TRIM2: variants seen among roughly 807,000 people sequenced by gnomAD.
TRIM2 encodes the protein tripartite motif containing 2, also known as tripartite motif-containing protein 2.
TRIM2 carries 20 observed loss-of-function variants against 75.2 expected under a neutral mutation model. That is an observed-to-expected ratio of 0.27 (90% CI 0.19 to 0.39). The LOEUF is 0.39. Ranked by LOEUF, TRIM2 falls within the 10% of genes least tolerant of loss-of-function variation. TRIM2 has a pLI of 1.00. For synonymous variants in TRIM2, 373 were observed against 388.3 expected (o/e 0.96, Z 0.46); for missense variants, 660 against 990.8 (o/e 0.67, Z 4.48).
chr4:153,239,038 G>T (rs1387703711), intron 1 of TRIM2, among the ~76,000 whole-genome samples: 1 of 152,156 alleles, frequency 6.6e-6, no homozygotes, highest in East Asian at 1.9e-4. Context: ...CAGGATTAGT[G>T]CTCAGTCTCC....
chr4:153,183,042 G>T (rs1183423656), intron 1 of TRIM2, among the ~76,000 whole-genome samples: 1 of 152,214 alleles, frequency 6.6e-6, no homozygotes. Context: ...ATGAATGAAA[G>T]AATGAATAAA....
intron 1 of TRIM2, among the ~76,000 whole-genome samples, chr4:153,190,886 C>T (rs1271615854): frequency 2.0e-5 from 3 of 151,946 alleles, no homozygotes; most frequent in Admixed American, 6.6e-5. Context: ...TACAAGTGGC[C>T]GCCATCATGC....
intron 1 of TRIM2, among the ~76,000 whole-genome samples, chr4:153,262,489 A>G (rs1300769086): frequency 6.6e-6 from 1 of 152,118 alleles, no homozygotes; most frequent in Non-Finnish European, 1.5e-5. Flanking sequence ...TATCTTGAAC[A>G]CCAATCTTAG....
At chr4:153,262,226 G>A (rs1258540576) in intron 1 of TRIM2, among the ~76,000 whole-genome samples, 1 of 152,218 alleles carries the variant, frequency 6.6e-6, no homozygotes, top group Non-Finnish European at 1.5e-5. Flanking sequence ...AACCAGCTAA[G>A]TGGAAGACTG....
rs187650276 is a variant in TRIM2 at position 153,194,300 on chromosome 4, A to G, written c.-49+41030A>G. 8.5e-5 allele frequency among the ~76,000 whole-genome samples: 13 copies of G among 152,330 alleles called. No homozygotes were observed. The East Asian group carries it at 1.5e-3, about 18-fold the overall frequency. ...CTTTAAGAAGTGAGTGGATAAACCAATTGTGGTATGTGCATATAAAGAAAC... is the reference window on the plus strand; with the variant it reads ...CTTTAAGAAGTGAGTGGATAAACCAGTTGTGGTATGTGCATATAAAGAAAC... On this transcript the variant is annotated intron_variant, in intron 1 of 11. Transcript: ENST00000437508.
At chr4:153,239,551 T>C (rs1560863810) in intron 1 of TRIM2, among the ~76,000 whole-genome samples, 1 of 152,166 alleles carries the variant, frequency 6.6e-6, no homozygotes, top group Non-Finnish European at 1.5e-5. Flanking sequence ...ACATCCCCTT[T>C]AGTGTAAAAG....
intron 1 of TRIM2, among the ~76,000 whole-genome samples, chr4:153,178,494 A>C (rs144851437): frequency 6.4e-4 from 97 of 152,362 alleles, no homozygotes; most frequent in African/African-American, 2.3e-3. Flanking sequence ...TCCTGTGCTT[A>C]TAGTGAAACA....
chr4:153,218,208 G>A (rs886483217), intron 1 of TRIM2, among the ~76,000 whole-genome samples: 2 of 152,100 alleles, frequency 1.3e-5, no homozygotes, highest in Non-Finnish European at 2.9e-5. Flanking sequence ...TGTAGGCAGT[G>A]GATCTGTAAA....
chr4:153,209,487 T>C (rs1736366797), intron 1 of TRIM2, among the ~76,000 whole-genome samples: 1 of 152,152 alleles, frequency 6.6e-6, no homozygotes, highest in South Asian at 2.1e-4. Context: ...TGCTCAGCTT[T>C]TTAAGGGAGC....
At chr4:153,275,223 A>G (rs1757754658) in intron 2 of TRIM2, among the ~76,000 whole-genome samples, 1 of 152,216 alleles carries the variant, frequency 6.6e-6, no homozygotes, top group African/African-American at 2.4e-5. Context: ...TTTGAATTCA[A>G]TGAGCAGCAT....
chr4:153,254,042 A>G (rs1751481973), intron 1 of TRIM2, among the ~76,000 whole-genome samples: 1 of 152,112 alleles, frequency 6.6e-6, no homozygotes, highest in South Asian at 2.1e-4. Context: ...CTGGATCGGG[A>G]CCGCTTTCCA....
At chr4:153,243,863 G>A (rs1305102534) in intron 1 of TRIM2, among the ~76,000 whole-genome samples, 2 of 135,180 alleles carry the variant, frequency 1.5e-5, no homozygotes, top group East Asian at 2.2e-4. Flanking sequence ...TGCCCAGACT[G>A]GAGAGAGAGC....
chr4:153,255,204 G>A (rs544690323), intron 1 of TRIM2, among the ~76,000 whole-genome samples: 88 of 152,190 alleles, frequency 5.8e-4, no homozygotes, highest in African/African-American at 2.0e-3. Context: ...TATCCTCATT[G>A]CCTACTCAGT....
chr4:153,304,047 G>A (rs1417507461), intron 6 of TRIM2, among the ~76,000 whole-genome samples: 1 of 152,174 alleles, frequency 6.6e-6, no homozygotes, highest in Non-Finnish European at 1.5e-5. Flanking sequence ...AGTCAGGATG[G>A]TGGGGGGAGA....
Position 153,336,221 on chromosome 4 carries a change from G to C in TRIM2, c.*1255G>C, listed in dbSNP as rs1477948909. ...AGAAGCTTCGTCCAGCCACTCTTCA[G>C]CACATTCCTTTACTAAGCAGTTTAA... On this transcript the variant is annotated 3_prime_UTR_variant, in exon 12 of 12. Coordinates refer to ENST00000338700, the MANE Select transcript of TRIM2 (RefSeq NM_015271.5). 2.0e-6 allele frequency: 2 copies of C among 985,342 alleles called. No homozygotes were observed. Among genetic ancestry groups the C allele is most frequent in the Non-Finnish European group, 2.4e-6 (2 of 829,888 alleles). The allele number at this position is 985,342 out of a possible 1,614,324, so 61.0% of individuals were successfully genotyped here.
Position 153,334,981 on chromosome 4 carries a change from A to G in TRIM2, c.*15A>G, listed in dbSNP as rs531286886. On this transcript the variant is annotated 3_prime_UTR_variant, in exon 12 of 12. Coordinates refer to ENST00000338700, the MANE Select transcript of TRIM2 (RefSeq NM_015271.5). ...ACTTACAGTAATGGTGGGCAGGTGG[A>G]TACCCGCTTCCATGGTCTTGCACTA... The G allele has an allele frequency of 3.4e-5, 55 of 1,606,806 alleles. No individual in the cohort carries two copies. The South Asian group carries it at 6.0e-4, about 18-fold the overall frequency.
intron 1 of TRIM2, among the ~76,000 whole-genome samples, chr4:153,175,762 T>C (rs1049098075): frequency 2.0e-5 from 3 of 152,188 alleles, no homozygotes; most frequent in Non-Finnish European, 4.4e-5. Context: ...AAGGACATTA[T>C]TGGGATAATT....
chr4:153,244,988 C>T (rs1748734216), intron 1 of TRIM2, among the ~76,000 whole-genome samples: 1 of 152,186 alleles, frequency 6.6e-6, no homozygotes, highest in South Asian at 2.1e-4. Flanking sequence ...CTTCATTCAT[C>T]ACAGGTTCTT....
chr4:153,175,060 G>A (rs1579320506), intron 1 of TRIM2, among the ~76,000 whole-genome samples: 1 of 151,886 alleles, frequency 6.6e-6, no homozygotes, highest in African/African-American at 2.4e-5. Context: ...CCCAGGTTAA[G>A]GTGCAGTGGT....
Sources: allele counts gnomAD v4.1 joint callset (sites outside exome capture counted in the v4.1 genomes callset), GRCh38; gene constraint gnomAD v4.1.1; transcripts MANE v1.5; gene names NCBI Gene and HGNC (gene_info 2026-07-23, HGNC 2026-07-21).